ZEB1: variants seen among roughly 807,000 people sequenced by gnomAD.
ZEB1 encodes zinc finger E-box binding homeobox 1.
In ZEB1, 21 loss-of-function variants were observed where a neutral mutation model predicts 84.9. The ratio of observed to expected loss-of-function variants is 0.25; its 90% CI spans 0.18 to 0.36. The LOEUF (loss-of-function observed/expected upper bound fraction) is 0.36. Among genes scored for constraint, ZEB1 ranks in the 10% least tolerant of loss-of-function variants. The pLI is 1.00. For synonymous variants in ZEB1, 420 were observed against 471.1 expected (o/e 0.89, Z 1.41); for missense variants, 1,104 against 1,330.2 (o/e 0.83, Z 2.65).
intron 1 of ZEB1, among the ~76,000 whole-genome samples, chr10:31,417,078 T>C (rs2055339300): frequency 1.3e-5 from 2 of 152,158 alleles, no homozygotes; most frequent in South Asian, 4.1e-4. Flanking sequence ...TTTGAGGACC[T>C]ACAATGTGCC....
chr10:31,363,628 A>G, intron 1 of ZEB1: 2 of 1,499,954 alleles, frequency 1.3e-6, no homozygotes, highest in Non-Finnish European at 1.8e-6. Context: ...GGCTGGGATC[A>G]CCTGATCATC....
At chr10:31,363,021 C>T (rs780169834) in intron 1 of ZEB1, 86 of 1,533,848 alleles carry the variant, frequency 5.6e-5, no homozygotes, top group Non-Finnish European at 7.2e-5. Flanking sequence ...CTCTATCACA[C>T]CTCAGTTGCA....
At chr10:31,510,599 T>C (rs1308163582) in intron 4 of ZEB1, 74 bp from the exon 5 acceptor site, 11 of 1,232,566 alleles carry the variant, frequency 8.9e-6, no homozygotes, top group African/African-American at 1.5e-5. Context: ...GAACATAGCA[T>C]AGGGACTCAG....
chr10:31,501,312 C>T lies in ZEB1; in HGVS notation c.323-1036C>T, dbSNP rs113886760. Among the ~76,000 whole-genome samples the T allele has an allele frequency of 9.3e-4, 142 of 152,276 alleles. 3 individuals are homozygous for T. Among genetic ancestry groups the T allele is most frequent in the African/African-American group, 3.2e-3 (135 of 41,558 alleles). On this transcript the variant is annotated intron_variant, in intron 3 of 8. Coordinates refer to ENST00000424869, the MANE Select transcript of ZEB1 (RefSeq NM_001174096.2). ...GGAAAACCATAGTGCAGCAATAATG[C>T]TTTAGAAACTTGGCAGCACGCTGGG...
chr10:31,343,131 C>G (rs1168028109), intron 1 of ZEB1, among the ~76,000 whole-genome samples: 1 of 152,118 alleles, frequency 6.6e-6, no homozygotes, highest in East Asian at 1.9e-4. Context: ...CTTCCCCTCC[C>G]CCATTTTTCT....
At chr10:31,341,419 C>G (rs1350253690) in intron 1 of ZEB1, among the ~76,000 whole-genome samples, 1 of 151,944 alleles carries the variant, frequency 6.6e-6, no homozygotes, top group Non-Finnish European at 1.5e-5. Context: ...TGAGGTGATT[C>G]CAGGGATAGC....
chr10:31,399,963 T>A (rs912291452), intron 1 of ZEB1, among the ~76,000 whole-genome samples: 2 of 152,180 alleles, frequency 1.3e-5, no homozygotes, highest in African/African-American at 4.8e-5. Flanking sequence ...CCTGTATATC[T>A]ACAGGGATCA....
chr10:31,527,420 C>T lies in ZEB1; in HGVS notation c.*156C>T. 1 of 577,592 alleles carries T rather than the reference C, an allele frequency of 1.7e-6. No homozygotes were observed. Among genetic ancestry groups the T allele is most frequent in the Non-Finnish European group, 2.9e-6 (1 of 349,332 alleles). 35.8% of individuals were successfully genotyped at this position (577,592 alleles called of 1,614,324 possible). On this transcript the variant is annotated 3_prime_UTR_variant, in exon 9 of 9. Transcript: ENST00000424869. Reference sequence around the variant, plus strand: ...AAAAATACAAAATACAAAACACACACACACACACACACACACACACACACA... The same window carrying T: ...AAAAATACAAAATACAAAACACACATACACACACACACACACACACACACA...
intron 2 of ZEB1, among the ~76,000 whole-genome samples, chr10:31,468,123 TG>T (rs569885007): frequency 8.9e-4 from 135 of 152,226 alleles, no homozygotes; most frequent in African/African-American, 3.1e-3. Flanking sequence ...GCCTGAGAAC[TG>T]CCCCTACAGC....
intron 3 of ZEB1, among the ~76,000 whole-genome samples, chr10:31,496,507 A>G (rs1313216711): frequency 6.6e-6 from 1 of 152,084 alleles, no homozygotes; most frequent in East Asian, 1.9e-4. Context: ...GAAAAATTAA[A>G]TCAGATCTTA....
At chr10:31,338,259 C>G (rs2038615592) in intron 1 of ZEB1, among the ~76,000 whole-genome samples, 1 of 151,970 alleles carries the variant, frequency 6.6e-6, no homozygotes, top group African/African-American at 2.4e-5. Context: ...TTTTGTTTAT[C>G]AAACAATAGC....
At chr10:31,502,804 A>G (rs190534236) in intron 4 of ZEB1, among the ~76,000 whole-genome samples, 1 of 152,302 alleles carries the variant, frequency 6.6e-6, no homozygotes, top group East Asian at 1.9e-4. Flanking sequence ...AGAAGTGAGA[A>G]CTATACCTTT....
chr10:31,347,575 G>C (rs1269277315), intron 1 of ZEB1, among the ~76,000 whole-genome samples: 5 of 152,042 alleles, frequency 3.3e-5, no homozygotes, highest in Non-Finnish European at 7.4e-5. Context: ...TTTGTAACTT[G>C]TTGCCTCCTG....
chr10:31,358,417 C>T (rs964429440), intron 1 of ZEB1: 2 of 152,068 alleles, frequency 1.3e-5, no homozygotes, highest in Non-Finnish European at 2.9e-5. Context: ...TTATATAGTT[C>T]GGAGTTGAAG....
intron 1 of ZEB1, among the ~76,000 whole-genome samples, chr10:31,439,806 G>A (rs1016090442): frequency 1.4e-4 from 21 of 152,236 alleles, no homozygotes; most frequent in Admixed American, 2.6e-4. Flanking sequence ...GCAGTGAGCC[G>A]GGGTAAAGTA....
At chr10:31,474,244 A>C (rs866074240) in intron 2 of ZEB1, among the ~76,000 whole-genome samples, 2 of 151,970 alleles carry the variant, frequency 1.3e-5, no homozygotes, top group African/African-American at 4.8e-5. Flanking sequence ...TCTGTACAGC[A>C]AAGGAAACTA....
chr10:31,479,007 T>G (rs974074261), intron 2 of ZEB1, among the ~76,000 whole-genome samples: 8 of 151,804 alleles, frequency 5.3e-5, no homozygotes, highest in Non-Finnish European at 1.0e-4. Flanking sequence ...AACCTGCACA[T>G]GTGCCCCCCA....
At chr10:31,437,771 T>C (rs565124160) in intron 1 of ZEB1, among the ~76,000 whole-genome samples, 1 of 152,362 alleles carries the variant, frequency 6.6e-6, no homozygotes, top group African/African-American at 2.4e-5. Context: ...CTATGATTTC[T>C]CTTCCCATGG....
At chr10:31,350,296 A>C (rs1441855777) in intron 1 of ZEB1, among the ~76,000 whole-genome samples, 1 of 152,162 alleles carries the variant, frequency 6.6e-6, no homozygotes, top group Non-Finnish European at 1.5e-5. Flanking sequence ...AAGGTGGCAA[A>C]AATTCTGCAT....
Sources: gnomAD v4.1 joint callset for allele counts (sites outside exome capture counted in the v4.1 genomes callset) on GRCh38, gnomAD v4.1.1 for gene constraint, MANE v1.5 for transcripts, NCBI Gene and HGNC (gene_info 2026-07-23, HGNC 2026-07-21) for gene names.